PPP3CA: variants seen among roughly 807,000 people sequenced by gnomAD.
The protein encoded by PPP3CA is protein phosphatase 3 catalytic subunit alpha.
A neutral mutation model predicts 66.5 loss-of-function variants in PPP3CA; 14 were observed. The observed-to-expected ratio is 0.21, with a 90% CI of 0.14 to 0.33. The LOEUF (loss-of-function observed/expected upper bound fraction) is 0.33, where lower values mean the gene tolerates loss of function less well. Among genes scored for constraint, PPP3CA ranks in the 10% least tolerant of loss-of-function variants. PPP3CA has a pLI of 1.00. For missense variants in PPP3CA, 317 were observed against 639.5 expected (o/e 0.50, Z 5.44); for synonymous variants, 232 against 226.2 (o/e 1.03, Z -0.23).
intron 1 of PPP3CA, among the ~76,000 whole-genome samples, chr4:101,337,915 T>G (rs889652493): frequency 6.6e-6 from 1 of 152,222 alleles, no homozygotes; most frequent in Non-Finnish European, 1.5e-5. Flanking sequence ...ATGAGCAGCC[T>G]GTACTCGTGA....
At chr4:101,303,889 C>A (rs1300385619) in intron 1 of PPP3CA, among the ~76,000 whole-genome samples, 1 of 152,148 alleles carries the variant, frequency 6.6e-6, no homozygotes, top group Non-Finnish European at 1.5e-5. Flanking sequence ...CATGACCACT[C>A]ATAATGTTGA....
chr4:101,129,366 C>G (rs945600385), intron 2 of PPP3CA, among the ~76,000 whole-genome samples: 6 of 152,176 alleles, frequency 3.9e-5, no homozygotes, highest in African/African-American at 1.4e-4. Context: ...AAGAGAGCAG[C>G]AGATCTCCCA....
At chr4:101,235,709 T>C (rs966188791) in intron 1 of PPP3CA, among the ~76,000 whole-genome samples, 7 of 151,868 alleles carry the variant, frequency 4.6e-5, no homozygotes, top group Non-Finnish European at 8.8e-5. Flanking sequence ...GGAATAATCA[T>C]TACTTATTTG....
chr4:101,314,488 T>C (rs1728824565), intron 1 of PPP3CA, among the ~76,000 whole-genome samples: 1 of 130,130 alleles, frequency 7.7e-6, no homozygotes, highest in South Asian at 2.4e-4. Flanking sequence ...GGCATGAACC[T>C]GGGAGGCGGA....
In PPP3CA at chr4:101,225,592, G is replaced by A. The variant is rs557088121; in HGVS notation, c.59-29476C>T. 5.4e-4 allele frequency among the ~76,000 whole-genome samples: 82 copies of A among 151,744 alleles called. No homozygotes were observed. The South Asian group carries it at 5.6e-3, about 10-fold the overall frequency. On this transcript the variant is annotated intron_variant, in intron 1 of 13. Coordinates refer to ENST00000394854, the MANE Select transcript of PPP3CA (RefSeq NM_000944.5). ...GTTCCAGAATGCTGGTATCAGTTAC[G>A]GGCACAGCAAATTAGGATTTTATGT...
At chr4:101,233,980 A>C (rs1425171908) in intron 1 of PPP3CA, among the ~76,000 whole-genome samples, 3 of 151,920 alleles carry the variant, frequency 2.0e-5, no homozygotes, top group Non-Finnish European at 4.4e-5. Context: ...CCCAGTTACA[A>C]GTAAGAAAAT....
At chr4:101,154,380 T>G (rs964932718) in intron 2 of PPP3CA, among the ~76,000 whole-genome samples, 1 of 152,166 alleles carries the variant, frequency 6.6e-6, no homozygotes, top group Non-Finnish European at 1.5e-5. Context: ...GTATCAAAAT[T>G]TAAAATTAGT....
At chr4:101,115,948 T>A (rs1424577684) in intron 2 of PPP3CA, among the ~76,000 whole-genome samples, 1 of 151,968 alleles carries the variant, frequency 6.6e-6, no homozygotes, top group African/African-American at 2.4e-5. Context: ...TGTGAAACAA[T>A]AAATTTACAA....
At chr4:101,173,512 C>T (rs1266350463) in intron 2 of PPP3CA, among the ~76,000 whole-genome samples, 6 of 152,004 alleles carry the variant, frequency 3.9e-5, no homozygotes, top group Non-Finnish European at 4.4e-5. Flanking sequence ...ATCATATTTA[C>T]ACTACACACT....
chr4:101,309,835 A>G (rs966726771), intron 1 of PPP3CA, among the ~76,000 whole-genome samples: 2 of 152,234 alleles, frequency 1.3e-5, no homozygotes, highest in African/African-American at 2.4e-5. Flanking sequence ...ATACAACTTA[A>G]TAACAAAAAA....
chr4:101,329,308 C>G (rs957328241), intron 1 of PPP3CA, among the ~76,000 whole-genome samples: 4 of 151,378 alleles, frequency 2.6e-5, no homozygotes, highest in African/African-American at 9.7e-5. Flanking sequence ...CAGCCAAGAC[C>G]CTAACTCTCT....
At chr4:101,083,663 T>G (rs1729537541) in intron 6 of PPP3CA, among the ~76,000 whole-genome samples, 1 of 152,226 alleles carries the variant, frequency 6.6e-6, no homozygotes, top group African/African-American at 2.4e-5. Context: ...TGCATATGTG[T>G]GCATGTATGT....
chr4:101,340,900 T>A (rs1477885050), intron 1 of PPP3CA, among the ~76,000 whole-genome samples: 1 of 152,138 alleles, frequency 6.6e-6, no homozygotes, highest in Non-Finnish European at 1.5e-5. Flanking sequence ...TAAGACAACA[T>A]CCTTCAAAAT....
chr4:101,262,720 A>T (rs531834048), intron 1 of PPP3CA, among the ~76,000 whole-genome samples: 22 of 152,276 alleles, frequency 1.4e-4, no homozygotes, highest in African/African-American at 5.3e-4. Context: ...CATACTCCAT[A>T]ACTTTCAACT....
intron 10 of PPP3CA, among the ~76,000 whole-genome samples, chr4:101,041,626 G>C (rs1251284710): frequency 1.3e-5 from 2 of 151,836 alleles, no homozygotes; most frequent in South Asian, 2.1e-4. Flanking sequence ...GTAGAGACAG[G>C]CTTCACCAGG....
intron 1 of PPP3CA, among the ~76,000 whole-genome samples, chr4:101,299,885 A>T (rs1031619710): frequency 6.6e-6 from 1 of 152,254 alleles, no homozygotes; most frequent in Non-Finnish European, 1.5e-5. Context: ...ATAGTCTTAC[A>T]GCTACTTTAA....
intron 13 of PPP3CA, among the ~76,000 whole-genome samples, chr4:101,028,863 C>T (rs570789887): frequency 6.6e-6 from 1 of 152,234 alleles, no homozygotes; most frequent in South Asian, 2.1e-4. Context: ...TTATAAGCTA[C>T]TGGTCAAAAC....
chr4:101,106,453 G>GAAAGAAAGAAGAGAAA lies in PPP3CA; in HGVS notation c.384+2500_384+2501insTTTCTCTTCTTTCTTT, dbSNP rs775018059. ...AGAAAGAAAGAAAGAAAGAAAGAAAGAGAAAAGAAAAGAAAAGAAAAGAAA... is the reference window on the plus strand; with the variant it reads ...AGAAAGAAAGAAAGAAAGAAAGAAAGAAAGAAAGAAGAGAAAAGAAAAGAAAAGAAAAGAAAAGAAA... On this transcript the variant is annotated intron_variant, in intron 3 of 13. Coordinates refer to ENST00000394854, the MANE Select transcript of PPP3CA (RefSeq NM_000944.5). Among the ~76,000 whole-genome samples, 116 of 35,516 alleles carry GAAAGAAAGAAGAGAAA rather than the reference G, an allele frequency of 3.3e-3. 12 individuals are homozygous for GAAAGAAAGAAGAGAAA. Among genetic ancestry groups the GAAAGAAAGAAGAGAAA allele is most frequent in the Middle Eastern group, 0.012 (1 of 86 alleles). 23.3% of individuals were successfully genotyped at this position (35,516 alleles called of 152,430 possible).
chr4:101,331,383 A>G (rs1405636995), intron 1 of PPP3CA, among the ~76,000 whole-genome samples: 1 of 152,220 alleles, frequency 6.6e-6, no homozygotes, highest in African/African-American at 2.4e-5. Context: ...AAACAGAAAT[A>G]TCTTCCCCAG....
Sources: gnomAD v4.1 joint callset for allele counts (sites outside exome capture counted in the v4.1 genomes callset) on GRCh38, gnomAD v4.1.1 for gene constraint, MANE v1.5 for transcripts, NCBI Gene and HGNC (gene_info 2026-07-23, HGNC 2026-07-21) for gene names.